Variants in TAX1BP1 observed in about 807,000 individuals in gnomAD.
TAX1BP1 encodes the protein Tax1 binding protein 1, also known as tax1-binding protein 1.
Under a neutral mutation model 97.7 loss-of-function variants are expected in TAX1BP1, and 62 were observed. That is an observed-to-expected ratio of 0.63 (90% CI 0.52 to 0.78). The LOEUF (loss-of-function observed/expected upper bound fraction) is 0.78, where lower values mean the gene tolerates loss of function less well. Among genes scored for constraint, TAX1BP1 ranks in the 30% least tolerant of loss-of-function variants. The probability of loss-of-function intolerance (pLI) is 0.00; values close to 1 mark genes in which losing one functional copy is unlikely to be tolerated. For synonymous variants in TAX1BP1, 340 were observed against 304.2 expected (o/e 1.12, Z -1.23); for missense variants, 867 against 916.1 (o/e 0.95, Z 0.69).
chr7:27,778,891 G>T (rs372675061), intron 5 of TAX1BP1, among the ~76,000 whole-genome samples: 10 of 150,924 alleles, frequency 6.6e-5, no homozygotes, highest in African/African-American at 2.5e-4. Context: ...AATTTGGATG[G>T]TTTTTTGTAT....
Position 27,815,087 on chromosome 7 carries a change from A to T in TAX1BP1, c.1765-1262A>T, listed in dbSNP as rs185630786. The stretch of plus-strand genomic sequence containing the variant: ...TGGGATTTTTTACATTTATCCTCAT[A>T]CCATTGTGAATAAAGATTGTTTTAC... On this transcript the variant is annotated intron_variant, in intron 13 of 16. Coordinates refer to ENST00000396319, the MANE Select transcript of TAX1BP1 (RefSeq NM_006024.7). 2.5e-3 allele frequency among the ~76,000 whole-genome samples: 376 copies of T among 152,240 alleles called. 2 individuals are homozygous for T. The highest frequency in any genetic ancestry group is 8.6e-3 in the African/African-American group (359 of 41,538).
chr7:27,776,839 T>G (rs1435743184), intron 5 of TAX1BP1, among the ~76,000 whole-genome samples: 1 of 151,782 alleles, frequency 6.6e-6, no homozygotes, highest in African/African-American at 2.4e-5. Flanking sequence ...TTTAAGTCCC[T>G]TTTCTCTCTG....
At chr7:27,816,774 A>G (rs1305402310) in intron 14 of TAX1BP1, 116 bp from the exon 15 acceptor site, 17 of 1,294,824 alleles carry the variant, frequency 1.3e-5, no homozygotes, top group Non-Finnish European at 1.8e-5. Context: ...AAATAAAAAC[A>G]TCTATTTTTT....
chr7:27,777,992 T>C (rs1789101598), intron 5 of TAX1BP1, among the ~76,000 whole-genome samples: 1 of 152,230 alleles, frequency 6.6e-6, no homozygotes, highest in Non-Finnish European at 1.5e-5. Flanking sequence ...TTAGAGTCGC[T>C]ATCAGGAGAA....
At chr7:27,739,929 A>G (rs544844270), upstream of TAX1BP1, 1 of 152,408 alleles carries the variant, frequency 6.6e-6, no homozygotes, top group South Asian at 2.1e-4. Context: ...ATAACATAAA[A>G]TCAGAATGTA....
rs141677797 is a variant in TAX1BP1 at position 27,780,236 on chromosome 7, G to C, written c.613-4927G>C. Reference sequence around the variant, plus strand: ...CCACTGTTAAGAAAGGTCATATCAAGAGTAGATAAAAATCAAATTACCAAA... The same window carrying C: ...CCACTGTTAAGAAAGGTCATATCAACAGTAGATAAAAATCAAATTACCAAA... On this transcript the variant is annotated intron_variant, in intron 5 of 16. Coordinates refer to ENST00000396319, the MANE Select transcript of TAX1BP1 (RefSeq NM_006024.7). Among the ~76,000 whole-genome samples, 33 of 152,220 alleles carry C rather than the reference G, an allele frequency of 2.2e-4. 2 individuals are homozygous for C. In the South Asian group the frequency reaches 4.6e-3, roughly 21 times the overall value.
chr7:27,792,178 A>G lies in TAX1BP1; in HGVS notation c.1211A>G (p.Gln404Arg), dbSNP rs774347911. 59 of 1,613,734 alleles carry G rather than the reference A, an allele frequency of 3.7e-5. No individual in the cohort carries two copies. The highest frequency in any genetic ancestry group is 4.7e-5 in the Non-Finnish European group (55 of 1,179,966). ...TTGGAAAACGAGAAAGTGAAAAAGC[A>G]GTTAGCTGATGCAGTGGCAGAACTT... ...ARLENEKVKK[Q>R]LADAVAELKL... The change falls in exon 9 of 17, where the codon CAG (glutamine) becomes CGG (arginine). Residue 404 changes from glutamine to arginine, a missense_variant. Physicochemically the swap from Gln to Arg is conservative, Grantham distance 43. This residue lies in a region of TAX1BP1 where 822 missense variants were observed against 851.4 expected (regional missense o/e 0.97). Transcript: ENST00000396319.
intron 1 of TAX1BP1, among the ~76,000 whole-genome samples, chr7:27,742,074 G>A (rs562072119): frequency 3.3e-5 from 5 of 152,332 alleles, no homozygotes; most frequent in South Asian, 2.1e-4. Context: ...TAGATGGAAC[G>A]TACAATCGGG....
chr7:27,781,120 TC>T (rs1789236913), intron 5 of TAX1BP1, among the ~76,000 whole-genome samples: 1 of 152,088 alleles, frequency 6.6e-6, no homozygotes, highest in Non-Finnish European at 1.5e-5. Flanking sequence ...CTGTCTCTCT[TC>T]CCCCTCCTCT....
In TAX1BP1 at chr7:27,765,943, A is replaced by T. The variant is rs765368962; in HGVS notation, c.375A>T (p.Pro125=). The T allele has an allele frequency of 1.2e-6, 2 of 1,614,216 alleles. No individual in the cohort carries two copies. Among genetic ancestry groups the T allele is most frequent in the South Asian group, 1.1e-5 (1 of 91,082 alleles). ...CTTTCCAGTTTCGAGCTTCTTCTCC[A>T]GTTGAAGAGCTGCTTACTATGGAAG... is the stretch of plus-strand genomic sequence containing the variant. ...STPFQFRASS[P]VEELLTMEDE... Residue 125 remains proline, a synonymous_variant, in exon 4 of 17, where the codon CCA becomes CCT. Coordinates refer to ENST00000396319, the MANE Select transcript of TAX1BP1 (RefSeq NM_006024.7).
chr7:27,791,950 C>A, intron 8 of TAX1BP1, 56 bp from the exon 9 acceptor site: 1 of 1,550,276 alleles, frequency 6.5e-7, no homozygotes, highest in Non-Finnish European at 8.8e-7. Flanking sequence ...ATTGTTTCTG[C>A]TTCTGTTTTT....
chr7:27,795,984 A>AATATC, intron 11 of TAX1BP1, 132 bp from the exon 12 acceptor site: 4 of 634,138 alleles, frequency 6.3e-6, no homozygotes, highest in Non-Finnish European at 1.1e-5. Context: ...TAGGATATGA[A>AATATC]TAGATATTTC....
intron 5 of TAX1BP1, chr7:27,772,646 TTAAAAC>T (rs1278743250): frequency 6.6e-6 from 1 of 152,064 alleles, no homozygotes. Context: ...GCTCTAATAA[TTAAAAC>T]TAAATGAAAT....
Position 27,812,787 on chromosome 7 carries a change from C to G in TAX1BP1, c.1765-3562C>G, listed in dbSNP as rs977645715. Among the ~76,000 whole-genome samples, 10 of 152,144 alleles carry G rather than the reference C, an allele frequency of 6.6e-5. 1 individual carries two copies. Among genetic ancestry groups the G allele is most frequent in the Admixed American group, 5.9e-4 (9 of 15,276 alleles). On this transcript the variant is annotated intron_variant, in intron 13 of 16. Coordinates refer to ENST00000396319, the MANE Select transcript of TAX1BP1 (RefSeq NM_006024.7). Reference sequence around the variant, plus strand: ...AGGTATTTTAAATGTTGAAAATACTCTATAAGTATGGGTCTACTTTTAGAA... The same window carrying G: ...AGGTATTTTAAATGTTGAAAATACTGTATAAGTATGGGTCTACTTTTAGAA...
Position 27,799,966 on chromosome 7 carries a change from A to G in TAX1BP1, c.1640A>G (p.Asp547Gly). The stretch of plus-strand genomic sequence containing the variant: ...GGTAATTATACTAATTTCATTTAGG[A>G]TGAGAAAGCAAAATGCAATAAATAT... ...KYNKCKQLLQDEKAKCNKYAD... is the reference protein window; with the variant it reads ...KYNKCKQLLQGEKAKCNKYAD... Residue 547 changes from aspartate (D) to glycine (G), a missense_variant and splice_region_variant, in exon 13 of 17, where the codon GAT (aspartate) becomes GGT (glycine). Transcript: ENST00000396319. The G allele has an allele frequency of 6.3e-7, 1 of 1,592,476 alleles. No homozygotes were observed. Among genetic ancestry groups the G allele is most frequent in the Non-Finnish European group, 8.5e-7 (1 of 1,171,734 alleles).
intron 2 of TAX1BP1, among the ~76,000 whole-genome samples, chr7:27,755,886 CAA>C (rs1267840824): frequency 6.6e-6 from 1 of 152,102 alleles, no homozygotes; most frequent in African/African-American, 2.4e-5. Flanking sequence ...TCCCATTGTC[CAA>C]AGTGTTGCCA....
At chr7:27,790,989 CTT>C (rs1360610841) in intron 8 of TAX1BP1, among the ~76,000 whole-genome samples, 5 of 151,954 alleles carry the variant, frequency 3.3e-5, no homozygotes, top group Admixed American at 6.6e-5. Context: ...ATGTTCATGA[CTT>C]TTGACTTTTG....
At chr7:27,755,004 A>G (rs1562700074) in intron 2 of TAX1BP1, among the ~76,000 whole-genome samples, 1 of 152,228 alleles carries the variant, frequency 6.6e-6, no homozygotes, top group African/African-American at 2.4e-5. Context: ...TCATTGAGGA[A>G]TTTATGCTGT....
intron 11 of TAX1BP1, among the ~76,000 whole-genome samples, chr7:27,795,526 C>T (rs1262234687): frequency 2.6e-5 from 4 of 152,076 alleles, no homozygotes; most frequent in South Asian, 2.1e-4. Flanking sequence ...AATTTTTGTG[C>T]TGTTATGGAA....
Sources: allele counts gnomAD v4.1 joint callset (sites outside exome capture counted in the v4.1 genomes callset), GRCh38; gene constraint gnomAD v4.1.1; regional missense constraint gnomAD v4.1.1; transcripts MANE v1.5; gene names NCBI Gene and HGNC (gene_info 2026-07-23, HGNC 2026-07-21).